Variants in RC3H1 observed in about 807,000 individuals in gnomAD.
The protein encoded by RC3H1 is roquin-1.
A neutral mutation model predicts 138.2 loss-of-function variants in RC3H1; 50 were observed. That is an observed-to-expected ratio of 0.36 (90% CI 0.29 to 0.46). The LOEUF (loss-of-function observed/expected upper bound fraction) is 0.46, where lower values mean the gene tolerates loss of function less well. RC3H1 is among the 20% of genes least tolerant of loss of function. RC3H1 has a pLI of 1.00. For missense variants in RC3H1, 1,031 were observed against 1,388.1 expected, an observed-to-expected ratio of 0.74 and a Z score of 4.09; for synonymous variants, 462 against 489.1, an observed-to-expected ratio of 0.94 and a Z score of 0.73.
intron 13 of RC3H1, among the ~76,000 whole-genome samples, chr1:173,955,019 G>T (rs2102901446): frequency 6.6e-6 from 1 of 151,956 alleles, no homozygotes; most frequent in Non-Finnish European, 1.5e-5. Flanking sequence ...GAGGTCAGGA[G>T]ATCGAGACCA....
chr1:173,980,804 C>T lies in RC3H1; in HGVS notation c.969+5G>A. ...CTAAGAAGTAAGGAACAAAAAAGGT[C>T]CTACCTTGTCAATAATGGACTGCAT... is the stretch of plus-strand genomic sequence containing the variant. On this transcript the variant is annotated splice_donor_5th_base_variant and intron_variant, in intron 6 of 19. Coordinates refer to ENST00000367696, the MANE Select transcript of RC3H1 (RefSeq NM_172071.4). 6.2e-7 allele frequency: 1 copy of T among 1,610,352 alleles called. No individual in the cohort carries two copies. The highest frequency in any genetic ancestry group is 8.5e-7 in the Non-Finnish European group (1 of 1,177,052).
intron 6 of RC3H1, among the ~76,000 whole-genome samples, chr1:173,980,253 A>AG (rs1390700968): frequency 2.1e-5 from 3 of 143,658 alleles, no homozygotes; most frequent in Non-Finnish European, 4.6e-5. Context: ...CTTTAGAAAT[A>AG]GGAAAAAAAA....
intron 1 of RC3H1, among the ~76,000 whole-genome samples, chr1:174,018,411 G>GAAAT (rs1661902334): frequency 6.6e-6 from 1 of 152,108 alleles, no homozygotes; most frequent in Admixed American, 6.6e-5. Flanking sequence ...AAAATGGACA[G>GAAAT]AAATAAATAT....
intron 9 of RC3H1, among the ~76,000 whole-genome samples, chr1:173,967,617 A>G (rs1256522512): frequency 6.6e-6 from 1 of 152,198 alleles, no homozygotes; most frequent in African/African-American, 2.4e-5. Context: ...ATTGGCCATT[A>G]GTATTTCTTC....
intron 17 of RC3H1, 108 bp from the exon 18 acceptor site, chr1:173,943,723 A>AT: frequency 1.8e-6 from 2 of 1,090,038 alleles, no homozygotes; most frequent in Non-Finnish European, 2.5e-6. Flanking sequence ...TCACCCAGCC[A>AT]TTTGCAACAA....
At chr1:173,958,629 C>G (rs1659742416) in intron 13 of RC3H1, among the ~76,000 whole-genome samples, 1 of 151,740 alleles carries the variant, frequency 6.6e-6, no homozygotes, top group African/African-American at 2.4e-5. Flanking sequence ...AAAAAATTAC[C>G]AATATAGAAA....
intron 1 of RC3H1, among the ~76,000 whole-genome samples, chr1:173,996,819 A>T (rs777374751): frequency 6.6e-6 from 1 of 152,132 alleles, no homozygotes; most frequent in South Asian, 2.1e-4. Context: ...GAATACTCCC[A>T]GTGCTCTCCT....
At chr1:173,992,134 T>C (rs964421444) in intron 2 of RC3H1, among the ~76,000 whole-genome samples, 2 of 152,106 alleles carry the variant, frequency 1.3e-5, no homozygotes, top group African/African-American at 4.8e-5. Context: ...AAGGTCCTTA[T>C]GACTTACCTC....
At chr1:173,959,723 A>G (rs1322861142) in intron 13 of RC3H1, among the ~76,000 whole-genome samples, 1 of 152,022 alleles carries the variant, frequency 6.6e-6, no homozygotes, top group Non-Finnish European at 1.5e-5. Context: ...GTGAGCTGAG[A>G]TCGCACCACT....
rs561265024 is a variant in RC3H1, at chr1:174,022,214, G to A, written c.-269C>T. On this transcript the variant is annotated 5_prime_UTR_variant, in exon 1 of 20. Coordinates refer to ENST00000367696, the MANE Select transcript of RC3H1 (RefSeq NM_172071.4). The surrounding 1 kb of genome is among the most constrained non-coding windows in gnomAD (Gnocchi z 4.2). ...GACTCTGATTCTGTCCCAGGCCGCCGGGCCACGGCTGCCGCCGCCACCGCC... is the reference window on the plus strand; with the variant it reads ...GACTCTGATTCTGTCCCAGGCCGCCAGGCCACGGCTGCCGCCGCCACCGCC... 60 of 393,502 alleles carry A rather than the reference G, an allele frequency of 1.5e-4. No homozygotes were observed. Among genetic ancestry groups the A allele is most frequent in the African/African-American group, 1.2e-3 (58 of 48,266 alleles). The allele number at this position is 393,502 out of a possible 1,614,324, so 24.4% of individuals were successfully genotyped here.
chr1:173,976,434 A>G (rs545769375), intron 7 of RC3H1, among the ~76,000 whole-genome samples: 90 of 151,964 alleles, frequency 5.9e-4, no homozygotes, highest in African/African-American at 1.9e-3. Flanking sequence ...CCTGGGGGAC[A>G]GAGTGAAACT....
At chr1:174,004,012 T>G (rs1341799576) in intron 1 of RC3H1, among the ~76,000 whole-genome samples, 1 of 149,016 alleles carries the variant, frequency 6.7e-6, no homozygotes. Flanking sequence ...TCACTGAAGT[T>G]TTTTTAATCT....
At chr1:173,971,744 G>C (rs573727143) in intron 8 of RC3H1, among the ~76,000 whole-genome samples, 2 of 152,240 alleles carry the variant, frequency 1.3e-5, no homozygotes, top group Admixed American at 1.3e-4. Flanking sequence ...GTGTTAGATA[G>C]GTTAGGAAAA....
chr1:173,995,709 C>A (rs1233572118), intron 1 of RC3H1, among the ~76,000 whole-genome samples: 3 of 152,060 alleles, frequency 2.0e-5, no homozygotes, highest in African/African-American at 7.2e-5. Flanking sequence ...TTATTCTCAC[C>A]AATCACACAC....
At chr1:173,987,550 G>A (rs1245709906) in intron 2 of RC3H1, among the ~76,000 whole-genome samples, 1 of 152,090 alleles carries the variant, frequency 6.6e-6, no homozygotes, top group African/African-American at 2.4e-5. Context: ...CTCATTTCGT[G>A]TATTTCCTGT....
rs558450436 is a variant in RC3H1 at position 173,933,865 on chromosome 1, C to T, written c.*4856G>A. On this transcript the variant is annotated 3_prime_UTR_variant, in exon 20 of 20. Transcript: ENST00000367696. ...GTCTAATTTTTCTTAAAAGGATAGG[C>T]AGATTTTTCAGGGGAAGAGATCACC... 2 of 152,204 alleles carry T rather than the reference C, an allele frequency of 1.3e-5. No individual in the cohort carries two copies. The highest frequency in any genetic ancestry group is 4.8e-5 in the African/African-American group (2 of 41,532). The allele number at this position is 152,204 out of a possible 1,614,324, so 9.4% of individuals were successfully genotyped here. A position where few individuals can be genotyped will look rare whatever the true frequency, so the allele number is the denominator to read the frequency against.
At chr1:174,003,639 G>A (rs987464659) in intron 1 of RC3H1, among the ~76,000 whole-genome samples, 2 of 151,704 alleles carry the variant, frequency 1.3e-5, no homozygotes, top group African/African-American at 4.8e-5. Context: ...TAACTAGACT[G>A]TAAGTTCCTG....
intron 1 of RC3H1, among the ~76,000 whole-genome samples, chr1:174,020,640 C>T (rs1355697011): frequency 1.3e-5 from 2 of 152,180 alleles, no homozygotes; most frequent in Non-Finnish European, 2.9e-5. Flanking sequence ...TTTCTGCATA[C>T]CTAGGTAGAA....
intron 1 of RC3H1, among the ~76,000 whole-genome samples, chr1:174,021,677 G>A (rs1571247351): frequency 1.3e-5 from 2 of 152,228 alleles, no homozygotes; most frequent in East Asian, 3.9e-4. Context: ...CCGAGGCGGC[G>A]CCTGTTTACA....
Sources: allele counts gnomAD v4.1 joint callset (sites outside exome capture counted in the v4.1 genomes callset), GRCh38; gene constraint gnomAD v4.1.1; non-coding constraint Gnocchi (gnomAD v3.1); transcripts MANE v1.5; gene names NCBI Gene and HGNC (gene_info 2026-07-23, HGNC 2026-07-21).